Variants in CNOT1 observed in about 807,000 individuals in gnomAD.
CNOT1 encodes the protein CCR4-NOT transcription complex subunit 1, also known as CCR4-associated factor 1.
A neutral mutation model predicts 273.8 loss-of-function variants in CNOT1; 15 were observed. That is an observed-to-expected ratio of 0.05 (90% CI 0.04 to 0.08). CNOT1 has a LOEUF of 0.08. Ranked by LOEUF, CNOT1 falls within the 10% of genes least tolerant of loss-of-function variation. The pLI is 1.00. For synonymous variants in CNOT1, 1,022 were observed against 1,005.5 expected (o/e 1.02, Z -0.31); for missense variants, 1,644 against 2,912.2 (o/e 0.56, Z 10.02).
chr16:58,545,370 C>T lies in CNOT1; in HGVS notation c.4128G>A (p.Leu1376=), dbSNP rs246258. The change falls in exon 30 of 49, where the codon CTG becomes CTA. Residue 1376 remains leucine, a synonymous_variant. Transcript: ENST00000317147. The part of the protein sequence containing the change: ...SLAGLAPHIT[L]NPTIPLFQAH... Reference sequence around the variant, plus strand: ...AGCAGTGTTTACTTACTGTTGGATTCAGAGTAATGTGTGGTGCCAAGCCCG... The same window carrying T: ...AGCAGTGTTTACTTACTGTTGGATTTAGAGTAATGTGTGGTGCCAAGCCCG... 421,341 of 1,613,032 alleles carry T rather than the reference C, an allele frequency of 0.26. 57,702 individuals are homozygous for T. Among genetic ancestry groups the T allele is most frequent in the Admixed American group, 0.42 (24,881 of 59,848 alleles).
chr16:58,549,496 A>G (rs1333065609), intron 25 of CNOT1, among the ~76,000 whole-genome samples: 1 of 152,194 alleles, frequency 6.6e-6, no homozygotes, highest in Non-Finnish European at 1.5e-5. Context: ...GACAAAAACA[A>G]TTCATAATAG....
chr16:58,549,484 A>T (rs562469699), intron 25 of CNOT1, among the ~76,000 whole-genome samples: 1 of 152,338 alleles, frequency 6.6e-6, no homozygotes, highest in East Asian at 1.9e-4. Context: ...CATGCATGGC[A>T]TGACAAAAAC....
intron 39 of CNOT1, among the ~76,000 whole-genome samples, chr16:58,536,459 G>A (rs747587225): frequency 1.4e-4 from 21 of 152,134 alleles, no homozygotes; most frequent in African/African-American, 4.1e-4. Flanking sequence ...TTTCAGTTAG[G>A]TGCTTTGTTC....
At chr16:58,555,170 T>C in intron 21 of CNOT1, 81 bp downstream of exon 21, 1 of 1,550,056 alleles carries the variant, frequency 6.5e-7, no homozygotes, top group South Asian at 1.3e-5. Flanking sequence ...ATTGCGCCAC[T>C]GCACTCCAGC....
At chr16:58,623,986 G>A (rs1323997414) in intron 1 of CNOT1, among the ~76,000 whole-genome samples, 6 of 151,168 alleles carry the variant, frequency 4.0e-5, no homozygotes, top group Admixed American at 6.6e-5. Flanking sequence ...CCAAGACTCC[G>A]GCTCCAAAAA....
rs554815920 is a variant in CNOT1 at position 58,612,257 on chromosome 16, C to T, written c.-174-12746G>A. On this transcript the variant is annotated intron_variant, in intron 1 of 48. Coordinates refer to ENST00000317147, the MANE Select transcript of CNOT1 (RefSeq NM_016284.5). ...AAGAAGACAAGTAGGCAAGACCCAA[C>T]GCTATCAGTTTATTGAACTGCCAAC... Among the ~76,000 whole-genome samples the T allele has an allele frequency of 3.9e-5, 6 of 152,248 alleles. No homozygotes were observed. The East Asian group carries it at 1.2e-3, about 29-fold the overall frequency.
chr16:58,527,028 C>T lies in CNOT1; in HGVS notation c.6454-890G>A, dbSNP rs560402502. On this transcript the variant is annotated intron_variant, in intron 44 of 48. Transcript: ENST00000317147. ...CTGCCCTTCAGCCTGGGCAAAACAA[C>T]GAGACCCCTGTCTCTTAAACAAACT... Among the ~76,000 whole-genome samples the T allele has an allele frequency of 2.8e-4, 42 of 151,864 alleles. No individual in the cohort carries two copies. The South Asian group carries it at 7.7e-3, about 28-fold the overall frequency.
At chr16:58,617,609 C>T (rs1011613978) in intron 1 of CNOT1, among the ~76,000 whole-genome samples, 2 of 152,170 alleles carry the variant, frequency 1.3e-5, no homozygotes, top group African/African-American at 2.4e-5. Context: ...CAACCTCTAT[C>T]GCCAACAAAG....
chr16:58,555,953 T>G (rs929464027), intron 19 of CNOT1, 45 bp from the exon 20 acceptor site: 1 of 1,600,362 alleles, frequency 6.2e-7, no homozygotes, highest in Admixed American at 1.7e-5. Flanking sequence ...AAGCCCTTCC[T>G]CCACTTCCCC....
chr16:58,588,958 AAAAG>A, intron 2 of CNOT1, 52 bp from the exon 3 acceptor site: 1 of 1,510,216 alleles, frequency 6.6e-7, no homozygotes, highest in Non-Finnish European at 8.8e-7. Flanking sequence ...AACAAAAAAA[AAAAG>A]TAAGGTTTCA....
intron 46 of CNOT1, 106 bp from the exon 47 acceptor site, chr16:58,523,608 A>G: frequency 9.5e-7 from 1 of 1,054,382 alleles, no homozygotes; most frequent in Admixed American, 2.3e-5. Flanking sequence ...TTTCAAATTA[A>G]TCTTTGGTTT....
chr16:58,581,656 CTTTT>C (rs978172122), intron 10 of CNOT1, 141 bp from the exon 11 acceptor site: 5 of 1,276,292 alleles, frequency 3.9e-6, no homozygotes, highest in East Asian at 2.7e-5. Context: ...GAAACCCATT[CTTTT>C]TTTTTCTTTT....
Position 58,599,275 on chromosome 16 carries a change from G to A in CNOT1, c.63C>T (p.Thr21=), listed in dbSNP as rs2042383440. The part of the protein sequence containing the change: ...SQISYLVDNL[T]KKNYRASQQE... Reference sequence around the variant, plus strand: ...GCTGGCTGGCTCGGTAATTTTTCTTGGTTAAATTGTCCACCAGGTAGCTGA... The same window carrying A: ...GCTGGCTGGCTCGGTAATTTTTCTTAGTTAAATTGTCCACCAGGTAGCTGA... The change falls in exon 2 of 49, where the codon ACC becomes ACT. Residue 21 remains threonine (T), a synonymous_variant. Coordinates refer to ENST00000317147, the MANE Select transcript of CNOT1 (RefSeq NM_016284.5). 1.2e-6 allele frequency: 2 copies of A among 1,613,966 alleles called. No individual in the cohort carries two copies. The highest frequency in any genetic ancestry group is 1.7e-5 in the Admixed American group (1 of 59,974).
intron 2 of CNOT1, among the ~76,000 whole-genome samples, chr16:58,598,525 C>T (rs1347492149): frequency 1.3e-5 from 2 of 151,190 alleles, no homozygotes; most frequent in African/African-American, 4.9e-5. Context: ...GCTGAGATCG[C>T]GTCACTGCAC....
intron 39 of CNOT1, among the ~76,000 whole-genome samples, chr16:58,535,845 T>C (rs1007340925): frequency 6.6e-6 from 1 of 152,084 alleles, no homozygotes; most frequent in Non-Finnish European, 1.5e-5. Context: ...GCCATTCTTC[T>C]GCCTCAGCCT....
chr16:58,574,968 A>G, intron 15 of CNOT1, 39 bp downstream of exon 15: 1 of 1,605,260 alleles, frequency 6.2e-7, no homozygotes, highest in Non-Finnish European at 8.5e-7. Flanking sequence ...TTAGCCACCA[A>G]AATTTAAGAG....
In CNOT1 at chr16:58,580,645, T is replaced by G; in HGVS notation, c.1331A>C (p.Glu444Ala). Residue 444 changes from glutamate to alanine, a missense_variant, in exon 12 of 49, where the codon GAA becomes GCA. By Grantham distance (107) the Glu-to-Ala change is moderately radical. Transcript: ENST00000317147. Reference protein sequence around the residue: ...LKAPPEDDNREIATWKSLDLI... With the variant: ...LKAPPEDDNRAIATWKSLDLI... ...TCAAAGTGTTTACCATGTGGCAATT[T>G]CTCGATTGTCATCCTCTGGTGGTGC... The G allele has an allele frequency of 6.2e-7, 1 of 1,610,150 alleles. No individual in the cohort carries two copies. The highest frequency in any genetic ancestry group is 8.5e-7 in the Non-Finnish European group (1 of 1,178,872).
At chr16:58,593,104 C>G (rs1157703739) in intron 2 of CNOT1, among the ~76,000 whole-genome samples, 2 of 152,100 alleles carry the variant, frequency 1.3e-5, no homozygotes, top group Non-Finnish European at 2.9e-5. Flanking sequence ...GTAAAACAAA[C>G]AGCAAAAACA....
chr16:58,556,015 T>A (rs76939531), intron 19 of CNOT1, 107 bp from the exon 20 acceptor site: 3 of 1,512,898 alleles, frequency 2.0e-6, no homozygotes, highest in Admixed American at 2.3e-5. Context: ...AAGGGAAATA[T>A]AAAAAAACTG....
Sources: gnomAD v4.1 joint callset for allele counts (sites outside exome capture counted in the v4.1 genomes callset) on GRCh38, gnomAD v4.1.1 for gene constraint, MANE v1.5 for transcripts, NCBI Gene and HGNC (gene_info 2026-07-23, HGNC 2026-07-21) for gene names.